Variants in ZNF283 observed in about 807,000 individuals in gnomAD.
The protein encoded by ZNF283 is zinc finger protein 41.
In ZNF283, 10 loss-of-function variants were observed where a neutral mutation model predicts 9.2. The observed-to-expected ratio is 1.09, with a 90% CI of 0.67 to 1.85. The LOEUF (loss-of-function observed/expected upper bound fraction) is 1.85. Among genes scored for constraint, ZNF283 ranks in the 40% most tolerant of loss-of-function variants. The pLI is 0.00. For synonymous variants in ZNF283, 234 were observed against 244.1 expected, an observed-to-expected ratio of 0.96 and a Z score of 0.38; for missense variants, 631 against 760.1, an observed-to-expected ratio of 0.83 and a Z score of 2.00.
chr19:43,827,846 A>G (rs1404064605), intron 1 of ZNF283: 1 of 152,280 alleles, frequency 6.6e-6, no homozygotes, highest in African/African-American at 2.4e-5. Context: ...GCTAAGCCCC[A>G]TAATGAACGT....
rs777977180 is a variant in ZNF283, at chr19:43,831,332, T to C, written c.-50T>C. On this transcript the variant is annotated 5_prime_UTR_variant, in exon 3 of 7. Transcript: ENST00000618787. Reference sequence around the variant, plus strand: ...TTGATTTACAGGAGAATCTTGACAGTGAATGTGTCTCATTACATTGAATAA... The same window carrying C: ...TTGATTTACAGGAGAATCTTGACAGCGAATGTGTCTCATTACATTGAATAA... 2.5e-5 allele frequency: 40 copies of C among 1,595,220 alleles called. No individual in the cohort carries two copies. Among genetic ancestry groups the C allele is most frequent in the Middle Eastern group, 1.6e-4 (1 of 6,080 alleles).
rs759148958 is a variant in ZNF283 at position 43,848,388 on chromosome 19, A to G, written c.1787A>G (p.Glu596Gly). Residue 596 changes from glutamate (E) to glycine (G), a missense_variant, in exon 7 of 7, where the codon GAG becomes GGG. Transcript: ENST00000618787. ...LVKHERVHTN[E>G]KSYECKDCGK... ...AAGCATGAGAGAGTCCATACTAATG[A>G]GAAGTCTTATGAATGTAAAGACTGT... The G allele has an allele frequency of 4.3e-6, 7 of 1,613,856 alleles. No homozygotes were observed. The Admixed American group carries it at 1.0e-4, about 23-fold the overall frequency.
intron 5 of ZNF283, among the ~76,000 whole-genome samples, chr19:43,836,342 ATTTC>A (rs986423312): frequency 6.6e-6 from 1 of 152,014 alleles, no homozygotes; most frequent in African/African-American, 2.4e-5. Context: ...ATGTTTTCCT[ATTTC>A]TTTCTTTCTT....
intron 6 of ZNF283, among the ~76,000 whole-genome samples, chr19:43,839,335 G>T (rs376598): frequency 6.6e-6 from 1 of 151,690 alleles, no homozygotes; most frequent in Non-Finnish European, 1.5e-5. Context: ...GCAGATTCTT[G>T]TATGTGGTAG....
chr19:43,830,928 ATT>A (rs201418235), intron 2 of ZNF283, among the ~76,000 whole-genome samples: 1 of 129,492 alleles, frequency 7.7e-6, no homozygotes, highest in African/African-American at 3.3e-5. Context: ...AAAAAAAAAA[ATT>A]AGTGTCCAAT....
intron 2 of ZNF283, 28 bp from the exon 3 acceptor site, chr19:43,831,290 G>A (rs1374026378): frequency 6.6e-7 from 1 of 1,517,540 alleles, no homozygotes. Context: ...CTTTGAAGGT[G>A]GTTTATCTCA....
chr19:43,841,186 A>G (rs1003365656), intron 6 of ZNF283, among the ~76,000 whole-genome samples: 11 of 151,704 alleles, frequency 7.3e-5, no homozygotes, highest in African/African-American at 2.4e-4. Context: ...TTTTGTTTCC[A>G]CCTTCTTGGA....
intron 6 of ZNF283, among the ~76,000 whole-genome samples, chr19:43,845,784 A>C (rs945735432): frequency 1.1e-4 from 16 of 152,028 alleles, no homozygotes; most frequent in Non-Finnish European, 2.9e-5. Flanking sequence ...TACTTATGTC[A>C]CTTTTTTCAT....
At position 43,837,099 on chromosome 19, in the gene ZNF283, A is replaced by C. The variant is rs367553149; in HGVS notation, c.257A>C (p.Glu86Ala). ...RDVAIDFSQE[E>A]WECLDPAQRD... ...GTGGCCATCGACTTCTCTCAGGAGG[A>C]GTGGGAATGCCTGGACCCTGCTCAG... The change falls in exon 6 of 7, where the codon GAG becomes GCG. Residue 86 changes from glutamate to alanine, a missense_variant. Coordinates refer to ENST00000618787, the MANE Select transcript of ZNF283 (RefSeq NM_181845.2). 105 of 1,613,940 alleles carry C rather than the reference A, an allele frequency of 6.5e-5. No individual in the cohort carries two copies. The highest frequency in any genetic ancestry group is 8.3e-5 in the Non-Finnish European group (98 of 1,179,998).
rs10421861 is a variant in ZNF283 at position 43,846,955 on chromosome 19, G to T, written c.354G>T (p.Thr118=). 1 of 1,558,054 alleles carries T rather than the reference G, an allele frequency of 6.4e-7. No homozygotes were observed. The highest frequency in any genetic ancestry group is 1.2e-5 in the South Asian group (1 of 84,980). The change falls in exon 7 of 7, where the codon ACG becomes ACT. Residue 118 remains threonine (T), a synonymous_variant. Transcript: ENST00000618787. The part of the protein sequence containing the change: ...NLVSLDLESK[T]YETKKIFSEN... ...TTCTTTCAGATTTGGAGTCAAAAAC[G>T]TATGAGACCAAAAAAATATTTTCAG...
At chr19:43,835,771 C>T (rs545097375) in intron 5 of ZNF283, among the ~76,000 whole-genome samples, 179 bp downstream of exon 5, 6 of 152,180 alleles carry the variant, frequency 3.9e-5, no homozygotes, top group Middle Eastern at 3.4e-3. Context: ...TGTTGGGAGG[C>T]GCTTCAGATT....
chr19:43,838,656 T>C (rs1163779596), intron 6 of ZNF283, among the ~76,000 whole-genome samples: 2 of 152,174 alleles, frequency 1.3e-5, no homozygotes, highest in East Asian at 3.8e-4. Context: ...GTGTTCCTCT[T>C]TAAACTTTCC....
chr19:43,829,298 T>C (rs1255515438), intron 2 of ZNF283, among the ~76,000 whole-genome samples: 2 of 152,136 alleles, frequency 1.3e-5, no homozygotes, highest in Non-Finnish European at 2.9e-5. Context: ...GGCAGGAGAA[T>C]GGCGTGAACC....
chr19:43,845,282 T>C (rs1971361390), intron 6 of ZNF283, among the ~76,000 whole-genome samples: 1 of 152,200 alleles, frequency 6.6e-6, no homozygotes. Flanking sequence ...TGATTGTTTC[T>C]AGTATCTTTT....
intron 2 of ZNF283, among the ~76,000 whole-genome samples, 168 bp from the exon 3 acceptor site, chr19:43,831,150 A>G (rs559723769): frequency 6.6e-6 from 1 of 152,366 alleles, no homozygotes; most frequent in East Asian, 1.9e-4. Context: ...GACATATTTC[A>G]AGAATTACAT....
In ZNF283 at chr19:43,847,176, A is replaced by C. The variant is rs1459624723; in HGVS notation, c.575A>C (p.Lys192Thr). Residue 192 changes from lysine (K) to threonine (T), a missense_variant, in exon 7 of 7, where the codon AAA becomes ACA. Transcript: ENST00000618787. ...YEKIPSYRKS[K>T]SLTPHQRIHN... is the part of the protein sequence containing the mutation. The stretch of plus-strand genomic sequence containing the variant: ...AAAATACCTTCTTACAGAAAAAGTA[A>C]ATCTCTTACTCCACATCAAAGAATT... The C allele has an allele frequency of 6.2e-7, 1 of 1,613,710 alleles. No homozygotes were observed. The highest frequency in any genetic ancestry group is 8.5e-7 in the Non-Finnish European group (1 of 1,179,720).
intron 2 of ZNF283, among the ~76,000 whole-genome samples, chr19:43,829,302 G>A (rs909212151): frequency 6.6e-6 from 1 of 151,994 alleles, no homozygotes; most frequent in Non-Finnish European, 1.5e-5. Flanking sequence ...GGAGAATGGC[G>A]TGAACCCGGG....
chr19:43,843,840 G>A (rs1358716247), intron 6 of ZNF283, among the ~76,000 whole-genome samples: 1 of 152,124 alleles, frequency 6.6e-6, no homozygotes, highest in Non-Finnish European at 1.5e-5. Flanking sequence ...CATTTCTTAA[G>A]TTTTAGGGTG....
At chr19:43,829,291 A>G (rs1970600315) in intron 2 of ZNF283, among the ~76,000 whole-genome samples, 1 of 152,060 alleles carries the variant, frequency 6.6e-6, no homozygotes, top group Non-Finnish European at 1.5e-5. Flanking sequence ...AGGCTGAGGC[A>G]GGAGAATGGC....
Sources: allele counts gnomAD v4.1 joint callset (sites outside exome capture counted in the v4.1 genomes callset), GRCh38; gene constraint gnomAD v4.1.1; transcripts MANE v1.5; gene names NCBI Gene and HGNC (gene_info 2026-07-23, HGNC 2026-07-21).